Variants in ARSH observed in about 807,000 individuals in gnomAD.
The protein encoded by ARSH is arylsulfatase family member H, also known as arylsulfatase H.
Under a neutral mutation model 28.7 loss-of-function variants are expected in ARSH, and 32 were observed. That is an observed-to-expected ratio of 1.11 (90% CI 0.84 to 1.50). The LOEUF is 1.50. Ranked by LOEUF, ARSH falls within the 40% of genes most tolerant of loss-of-function variation. The probability of loss-of-function intolerance (pLI) is 0.00; values close to 1 mark genes in which losing one functional copy is unlikely to be tolerated. For synonymous variants in ARSH, 176 were observed against 177.3 expected (o/e 0.99, Z 0.06); for missense variants, 440 against 452.4 (o/e 0.97, Z 0.25).
Position 3,033,109 on chromosome X carries a change from G to A in ARSH, c.1413G>A (p.Ser471=), listed in dbSNP as rs368772738. ...ATGGGAGTGGAATATGTTCATGTTC[G>A]GGGGATGTAACCTACCACGACCCAC... The part of the protein sequence containing the change: ...ACYGSGICSC[S]GDVTYHDPPL... The change falls in exon 9 of 9, where the codon TCG becomes TCA. Residue 471 remains serine (S), a synonymous_variant. Coordinates refer to ENST00000381130, the MANE Select transcript of ARSH (RefSeq NM_001011719.2). 1.3e-5 allele frequency: 16 copies of A among 1,209,056 alleles called. No homozygotes were observed. Among genetic ancestry groups the A allele is most frequent in the South Asian group, 1.8e-5 (1 of 56,746 alleles).
chrX:3,029,131 C>T, intron 7 of ARSH, 116 bp from the exon 8 acceptor site: 1 of 753,549 alleles, frequency 1.3e-6, no homozygotes, highest in Non-Finnish European at 1.9e-6. Context: ...TCGCCTCCTT[C>T]TCTTCCTCCC....
At chrX:3,024,288 G>GA (rs60737314) in intron 6 of ARSH, 133 bp downstream of exon 6, 28,512 of 503,353 alleles carry the variant, frequency 0.057, 26 homozygotes, top group Non-Finnish European at 0.061. Flanking sequence ...AAGCTAGACC[G>GA]AAAAAAAAAA....
intron 1 of ARSH, among the ~76,000 whole-genome samples, chrX:3,009,425 C>T (rs765340160): frequency 9.0e-5 from 10 of 110,529 alleles, no homozygotes; most frequent in African/African-American, 1.6e-4. Context: ...GAGCTGGGAT[C>T]GCACCACTGT....
chrX:3,014,721 G>A (rs1006578629), intron 3 of ARSH, among the ~76,000 whole-genome samples: 1 of 111,268 alleles, frequency 9.0e-6, no homozygotes, highest in African/African-American at 3.3e-5. Flanking sequence ...TGAACACTAG[G>A]CTCCTCTCCT....
Position 3,032,068 on chromosome X carries a change from C to T in ARSH, c.1322-950C>T, listed in dbSNP as rs1242230916. On this transcript the variant is annotated intron_variant, in intron 8 of 8. Transcript: ENST00000381130. ...TTCTCTGCAAGACCCCACCAGTAGA[C>T]TTCGGTATAATCCTCATTTACCAGA... 8.1e-5 allele frequency among the ~76,000 whole-genome samples: 9 copies of T among 111,347 alleles called. No individual in the cohort carries two copies. In the East Asian group the frequency reaches 2.5e-3, roughly 31 times the overall value.
At chrX:3,012,582 T>TA (rs1555914110) in intron 2 of ARSH, among the ~76,000 whole-genome samples, 3 of 18,961 alleles carry the variant, frequency 1.6e-4, no homozygotes, top group South Asian at 5.3e-3. Context: ...TATATATATA[T>TA]ATATATATAT....
intron 1 of ARSH, among the ~76,000 whole-genome samples, chrX:3,007,885 G>C (rs1236536242): frequency 9.0e-6 from 1 of 111,435 alleles, no homozygotes; most frequent in Non-Finnish European, 1.9e-5. Flanking sequence ...TCATCCCTCT[G>C]TGTGTGTCTG....
At chrX:3,014,815 A>G (rs1254462081) in intron 3 of ARSH, among the ~76,000 whole-genome samples, 155 bp from the exon 4 acceptor site, 1 of 111,857 alleles carries the variant, frequency 8.9e-6, no homozygotes, top group East Asian at 2.8e-4. Flanking sequence ...TGGCATGTCT[A>G]TACCAGGGAG....
chrX:3,008,156 G>A (rs768303510), intron 1 of ARSH, among the ~76,000 whole-genome samples: 2 of 111,938 alleles, frequency 1.8e-5, no homozygotes, highest in African/African-American at 3.2e-5. Context: ...TGTAGCATGC[G>A]TCAGCACTTC....
At chrX:3,007,068 C>G (rs2089829909) in intron 1 of ARSH, among the ~76,000 whole-genome samples, 1 of 107,525 alleles carries the variant, frequency 9.3e-6, no homozygotes, top group Admixed American at 1.0e-4. Context: ...ACAGGGAGAC[C>G]CCGTCTCTAC....
chrX:3,019,140 C>G (rs1463621953), intron 5 of ARSH, among the ~76,000 whole-genome samples: 1 of 109,242 alleles, frequency 9.2e-6, no homozygotes, highest in East Asian at 2.8e-4. Flanking sequence ...TTATGCGGGC[C>G]TGTAGTCCCA....
chrX:3,021,180 T>G (rs1458331790), intron 5 of ARSH, among the ~76,000 whole-genome samples: 1 of 111,212 alleles, frequency 9.0e-6, no homozygotes, highest in Non-Finnish European at 1.9e-5. Context: ...CTGCTTCTTT[T>G]GAAATCGCTT....
chrX:3,023,286 A>T (rs1196083489), intron 5 of ARSH, among the ~76,000 whole-genome samples: 5 of 105,254 alleles, frequency 4.8e-5, no homozygotes, highest in Non-Finnish European at 7.7e-5. Flanking sequence ...ATAAAATTTA[A>T]TATATTAATT....
chrX:3,012,835 C>T (rs1205520117), intron 2 of ARSH, among the ~76,000 whole-genome samples: 1 of 107,293 alleles, frequency 9.3e-6, no homozygotes, highest in Admixed American at 1.0e-4. Flanking sequence ...ACTAAGTGTC[C>T]CGTATTTATT....
At chrX:3,025,572 G>GTA (rs772651912) in intron 6 of ARSH, among the ~76,000 whole-genome samples, 43 of 106,466 alleles carry the variant, frequency 4.0e-4, no homozygotes, top group African/African-American at 7.8e-4. Flanking sequence ...TATATTCATT[G>GTA]TATATATATA....
At chrX:3,020,274 CAAAAAAAAAAAAAAA>C (rs59713321) in intron 5 of ARSH, among the ~76,000 whole-genome samples, 33 of 13,843 alleles carry the variant, frequency 2.4e-3, no homozygotes, top group African/African-American at 0.014. Context: ...GACCCCGTCT[CAAAAAAAAAAAAAAA>C]AAAAAAAAAA....
chrX:3,015,972 T>G (rs2089865227), intron 4 of ARSH, among the ~76,000 whole-genome samples: 2 of 110,106 alleles, frequency 1.8e-5, no homozygotes, highest in Admixed American at 9.8e-5. Flanking sequence ...TAAAAACATA[T>G]TTTGCTCACC....
chrX:3,020,163 C>T (rs59307601), intron 5 of ARSH, among the ~76,000 whole-genome samples: 125 of 104,022 alleles, frequency 1.2e-3, no homozygotes, highest in African/African-American at 3.9e-3. Flanking sequence ...GTCACACGCA[C>T]GCCTTGTAGT....
At chrX:3,010,591 A>G (rs143476843) in intron 2 of ARSH, among the ~76,000 whole-genome samples, 1,292 of 112,241 alleles carry the variant, frequency 0.012, 18 homozygotes, top group African/African-American at 0.039. Flanking sequence ...AAACTTTTAC[A>G]TACTCCCTTA....
Sources: gnomAD v4.1 joint callset for allele counts (sites outside exome capture counted in the v4.1 genomes callset) on GRCh38, gnomAD v4.1.1 for gene constraint, MANE v1.5 for transcripts, NCBI Gene and HGNC (gene_info 2026-07-23, HGNC 2026-07-21) for gene names.